RNF13: variants seen among roughly 807,000 people sequenced by gnomAD.
The protein encoded by RNF13 is ring finger protein 13.
RNF13 carries 19 observed loss-of-function variants against 37.7 expected under a neutral mutation model. That is an observed-to-expected ratio of 0.50 (90% CI 0.35 to 0.74). The LOEUF is 0.74. RNF13 is among the 30% of genes least tolerant of loss of function. The pLI is 0.01. For missense variants in RNF13, 375 were observed against 453.0 expected, an observed-to-expected ratio of 0.83 and a Z score of 1.56; for synonymous variants, 144 against 157.8, an observed-to-expected ratio of 0.91 and a Z score of 0.65.
chr3:149,887,179 A>G (rs188739617), intron 4 of RNF13, among the ~76,000 whole-genome samples: 1 of 152,328 alleles, frequency 6.6e-6, no homozygotes, highest in Admixed American at 6.5e-5. Context: ...TAGCGAGAGC[A>G]CAGTGACTAG....
intron 4 of RNF13, chr3:149,895,231 TC>T (rs1480114804): frequency 6.7e-5 from 23 of 342,978 alleles, no homozygotes; most frequent in Non-Finnish European, 1.1e-4. Context: ...TTGCTCAAGT[TC>T]ATCCCACTAA....
chr3:149,858,093 A>G (rs1277595618), intron 3 of RNF13, among the ~76,000 whole-genome samples: 1 of 152,196 alleles, frequency 6.6e-6, no homozygotes, highest in African/African-American at 2.4e-5. Flanking sequence ...CTCTTCACAT[A>G]TGCCCACTTC....
At chr3:149,888,265 A>G (rs1714272171) in intron 4 of RNF13, among the ~76,000 whole-genome samples, 2 of 152,206 alleles carry the variant, frequency 1.3e-5, no homozygotes, top group African/African-American at 2.4e-5. Flanking sequence ...ATTTCAGTAT[A>G]TCCTCTTTTA....
At chr3:149,876,754 G>A (rs531396223) in intron 4 of RNF13, among the ~76,000 whole-genome samples, 9 of 150,512 alleles carry the variant, frequency 6.0e-5, no homozygotes, top group African/African-American at 2.2e-4. Flanking sequence ...TTTTCTTCAA[G>A]GTAGAAGTCA....
intron 4 of RNF13, among the ~76,000 whole-genome samples, chr3:149,882,607 T>G (rs1383873264): frequency 6.6e-6 from 1 of 152,206 alleles, no homozygotes; most frequent in Non-Finnish European, 1.5e-5. Context: ...CTTTTGTTAA[T>G]TTTTAAAGTA....
intron 8 of RNF13, among the ~76,000 whole-genome samples, chr3:149,922,431 G>C (rs1188526488): frequency 6.6e-6 from 1 of 152,216 alleles, no homozygotes; most frequent in Non-Finnish European, 1.5e-5. Context: ...GGTGAAAGCA[G>C]GAGAAGGATG....
chr3:149,845,755 G>A (rs1035105594), intron 1 of RNF13: 23 of 287,042 alleles, frequency 8.0e-5, no homozygotes, highest in Non-Finnish European at 1.4e-4. Context: ...GAGCACTGTG[G>A]GAGGATGTTT....
chr3:149,838,033 GC>G (rs1474634632), intron 1 of RNF13, among the ~76,000 whole-genome samples: 1 of 152,060 alleles, frequency 6.6e-6, no homozygotes, highest in Non-Finnish European at 1.5e-5. Context: ...AGGGCTACAG[GC>G]CCCATGCAAG....
chr3:149,928,868 AT>A (rs1026677732), intron 8 of RNF13, among the ~76,000 whole-genome samples: 1 of 151,954 alleles, frequency 6.6e-6, no homozygotes, highest in African/African-American at 2.4e-5. Flanking sequence ...ATGCCATGTA[AT>A]TTTCAGTCTA....
intron 3 of RNF13, among the ~76,000 whole-genome samples, chr3:149,865,963 C>T (rs907229090): frequency 6.6e-6 from 1 of 152,164 alleles, no homozygotes; most frequent in African/African-American, 2.4e-5. Flanking sequence ...GTAGACAGAG[C>T]AGCCCAGAGG....
At chr3:149,867,560 C>T (rs532635053) in intron 3 of RNF13, among the ~76,000 whole-genome samples, 15 of 151,858 alleles carry the variant, frequency 9.9e-5, no homozygotes, top group East Asian at 3.9e-4. Flanking sequence ...CGACCGCACC[C>T]GGCCTCTTGT....
chr3:149,922,887 T>TA (rs1269330166), intron 8 of RNF13, among the ~76,000 whole-genome samples: 3 of 152,176 alleles, frequency 2.0e-5, no homozygotes, highest in East Asian at 3.8e-4. Flanking sequence ...TTAGTGCAGA[T>TA]ACCTACTTGA....
intron 2 of RNF13, among the ~76,000 whole-genome samples, chr3:149,850,485 TTTCA>T (rs947067069): frequency 6.6e-5 from 10 of 152,192 alleles, no homozygotes; most frequent in Admixed American, 4.6e-4. Flanking sequence ...TCAAAAAGGG[TTTCA>T]TTCAGTAACA....
intron 4 of RNF13, among the ~76,000 whole-genome samples, chr3:149,873,670 ATCTG>A (rs1439933458): frequency 1.3e-5 from 2 of 151,984 alleles, no homozygotes; most frequent in Non-Finnish European, 2.9e-5. Flanking sequence ...CCACCCATTT[ATCTG>A]TCTCATCGGT....
intron 8 of RNF13, among the ~76,000 whole-genome samples, chr3:149,927,688 T>C (rs546791890): frequency 2.2e-4 from 33 of 152,278 alleles, no homozygotes; most frequent in African/African-American, 7.5e-4. Flanking sequence ...CTTAATGTGG[T>C]TTTATTTGCA....
chr3:149,953,770 C>T (rs537800460), intron 8 of RNF13, among the ~76,000 whole-genome samples: 11 of 152,148 alleles, frequency 7.2e-5, no homozygotes, highest in Non-Finnish European at 2.9e-5. Context: ...CCTTGCCAAG[C>T]ACCCATTCAT....
intron 8 of RNF13, among the ~76,000 whole-genome samples, chr3:149,958,073 T>C (rs1722031541): frequency 1.3e-5 from 2 of 152,210 alleles, no homozygotes; most frequent in African/African-American, 2.4e-5. Flanking sequence ...ATTCAAAGGA[T>C]TGATAAGAAA....
At chr3:149,956,507 A>C (rs1721882645) in intron 8 of RNF13, among the ~76,000 whole-genome samples, 1 of 152,186 alleles carries the variant, frequency 6.6e-6, no homozygotes, top group Non-Finnish European at 1.5e-5. Context: ...GTATCTGATG[A>C]GCCAAAGTTT....
intron 8 of RNF13, chr3:149,939,184 A>G (rs532313487): frequency 1.6e-5 from 8 of 515,544 alleles, no homozygotes; most frequent in African/African-American, 1.4e-4. Flanking sequence ...GATGGTTTTC[A>G]GTCTTTTCCA....
Sources: gnomAD v4.1 joint callset for allele counts (sites outside exome capture counted in the v4.1 genomes callset) on GRCh38, gnomAD v4.1.1 for gene constraint, MANE v1.5 for transcripts, NCBI Gene and HGNC (gene_info 2026-07-23, HGNC 2026-07-21) for gene names.